PSD3: variants seen among roughly 807,000 people sequenced by gnomAD.
PSD3 encodes the protein PH and SEC7 domain-containing protein 3.
PSD3 carries 49 observed loss-of-function variants against 105.5 expected under a neutral mutation model. That is an observed-to-expected ratio of 0.46 (90% CI 0.37 to 0.59). The LOEUF (loss-of-function observed/expected upper bound fraction) is 0.59. Among genes scored for constraint, PSD3 ranks in the 20% least tolerant of loss-of-function variants. The pLI, the probability that PSD3 is intolerant of heterozygous loss-of-function variation, is 0.00. For synonymous variants in PSD3, 557 were observed against 457.8 expected (o/e 1.22, Z -2.77); for missense variants, 1,561 against 1,263.8 (o/e 1.24, Z -3.57).
At chr8:18,966,552 CAGAG>C (rs1824258829) in intron 1 of PSD3, among the ~76,000 whole-genome samples, 1 of 140,168 alleles carries the variant, frequency 7.1e-6, no homozygotes, top group Non-Finnish European at 1.5e-5. Flanking sequence ...GCCTGGGCAA[CAGAG>C]AGAGACTGTC....
intron 1 of PSD3, among the ~76,000 whole-genome samples, chr8:19,064,969 A>T (rs1829028512): frequency 1.3e-5 from 2 of 152,180 alleles, no homozygotes. Context: ...ACCAAAATGG[A>T]GTCATTCATG....
intron 1 of PSD3, among the ~76,000 whole-genome samples, chr8:19,049,390 C>G (rs1828436902): frequency 6.6e-6 from 1 of 152,136 alleles, no homozygotes; most frequent in Non-Finnish European, 1.5e-5. Flanking sequence ...CCTTTACAAT[C>G]TATGAGAAAG....
chr8:18,760,233 T>C (rs1806406634), intron 9 of PSD3, among the ~76,000 whole-genome samples: 1 of 152,192 alleles, frequency 6.6e-6, no homozygotes, highest in African/African-American at 2.4e-5. Flanking sequence ...CTAATTAACC[T>C]ATTTCTCACC....
At position 18,632,785 on chromosome 8, in the gene PSD3, C is replaced by G. The variant is rs771711653; in HGVS notation, c.2238G>C (p.Lys746Asn). The G allele has an allele frequency of 7.6e-6, 12 of 1,581,454 alleles. No individual in the cohort carries two copies. Among genetic ancestry groups the G allele is most frequent in the South Asian group, 6.8e-5 (6 of 88,630 alleles). ...TCTCCTCAGTACTTTCTGAGGGAGA[C>G]TTTTTTTTCTCTTCATCATCTCTAA... ...EWAVDDEEKK[K>N]SPSESTEEKA... The change falls in exon 11 of 16, where the codon AAG becomes AAC. Residue 746 changes from lysine (K) to asparagine (N), a missense_variant. Transcript: ENST00000327040.
Position 18,826,985 on chromosome 8 carries a change from G to A in PSD3, c.1635-22087C>T, listed in dbSNP as rs138573297. Among the ~76,000 whole-genome samples the A allele has an allele frequency of 1.6e-4, 24 of 152,294 alleles. No homozygotes were observed. In the East Asian group the frequency reaches 1.9e-3, roughly 12 times the overall value. On this transcript the variant is annotated intron_variant, in intron 4 of 15. Transcript: ENST00000327040. ...GTATCAGCTCATACCAAAGTGATAT[G>A]AATGGTATGATGGTTCTGACATTGT...
At chr8:18,995,538 GTAT>G (rs1166005392) in intron 1 of PSD3, among the ~76,000 whole-genome samples, 1 of 152,008 alleles carries the variant, frequency 6.6e-6, no homozygotes, top group Non-Finnish European at 1.5e-5. Context: ...AAACCAGGAA[GTAT>G]TACCCTAAGA....
chr8:18,683,029 T>C (rs1800472421), intron 9 of PSD3, among the ~76,000 whole-genome samples: 1 of 152,212 alleles, frequency 6.6e-6, no homozygotes, highest in Admixed American at 6.5e-5. Flanking sequence ...GGAGTGTTTC[T>C]GAGTACCCTG....
intron 9 of PSD3, among the ~76,000 whole-genome samples, chr8:18,692,023 A>C (rs1268821873): frequency 1.3e-5 from 2 of 152,220 alleles, no homozygotes; most frequent in Non-Finnish European, 2.9e-5. Flanking sequence ...AGTCTGGGTC[A>C]CTTATGAATT....
At position 18,529,101 on chromosome 8, in the gene PSD3, T is replaced by A. The variant is rs1319025757; in HGVS notation, c.*6642A>T. The A allele has an allele frequency of 4.6e-5, 7 of 152,246 alleles. No homozygotes were observed. Among genetic ancestry groups the A allele is most frequent in the African/African-American group, 1.7e-4 (7 of 41,560 alleles). 9.4% of individuals were successfully genotyped at this position (152,246 alleles called of 1,614,324 possible). On this transcript the variant is annotated 3_prime_UTR_variant, in exon 16 of 16. Transcript: ENST00000327040. ...TGCAGAGCAAGCAGCTCTGCCACCT[T>A]GGAAAATGATGCACACCAGCTTCTG...
intron 1 of PSD3, among the ~76,000 whole-genome samples, chr8:18,964,740 C>T (rs779225279): frequency 6.6e-6 from 1 of 152,286 alleles, no homozygotes; most frequent in East Asian, 1.9e-4. Context: ...TCTCAACTCG[C>T]TCAAAGCCAG....
chr8:18,777,994 G>C (rs755272302), intron 8 of PSD3, among the ~76,000 whole-genome samples: 16 of 152,138 alleles, frequency 1.1e-4, no homozygotes, highest in Non-Finnish European at 1.6e-4. Flanking sequence ...TAATGGAAGA[G>C]TAATATTCTA....
intron 11 of PSD3, among the ~76,000 whole-genome samples, chr8:18,618,612 C>T (rs1308482704): frequency 1.4e-5 from 2 of 140,786 alleles, no homozygotes; most frequent in Non-Finnish European, 1.7e-5. Flanking sequence ...TTCTATGTAC[C>T]AGGCAGTGTA....
At chr8:18,998,031 A>C (rs1586602517) in intron 1 of PSD3, among the ~76,000 whole-genome samples, 1 of 151,050 alleles carries the variant, frequency 6.6e-6, no homozygotes, top group East Asian at 1.9e-4. Context: ...TGTTTTGTTG[A>C]CCACTGTATC....
intron 4 of PSD3, among the ~76,000 whole-genome samples, chr8:18,843,644 G>C (rs942261075): frequency 6.6e-6 from 1 of 152,170 alleles, no homozygotes; most frequent in African/African-American, 2.4e-5. Context: ...ACAAAGAATA[G>C]AGAAGTAGAG....
chr8:18,623,678 A>T (rs944131333), intron 11 of PSD3, among the ~76,000 whole-genome samples: 2 of 151,526 alleles, frequency 1.3e-5, no homozygotes, highest in East Asian at 3.9e-4. Context: ...AACATATAAG[A>T]CTTCAAAAGG....
In PSD3 at chr8:18,696,012, G is replaced by A. The variant is rs1393017820; in HGVS notation, c.2173-40327C>T. 2.6e-5 allele frequency among the ~76,000 whole-genome samples: 4 copies of A among 152,172 alleles called. No individual in the cohort carries two copies. The South Asian group carries it at 6.2e-4, about 24-fold the overall frequency. ...CCCAGACACCCCTTCAGGAATCAAGGGCACATCCAGCGTCACCTGGCAGCT... is the reference window on the plus strand; with the variant it reads ...CCCAGACACCCCTTCAGGAATCAAGAGCACATCCAGCGTCACCTGGCAGCT... On this transcript the variant is annotated intron_variant, in intron 9 of 15. Coordinates refer to ENST00000327040, the MANE Select transcript of PSD3 (RefSeq NM_015310.4).
chr8:18,721,600 C>T (rs763618975), intron 9 of PSD3, among the ~76,000 whole-genome samples: 1 of 152,216 alleles, frequency 6.6e-6, no homozygotes, highest in Non-Finnish European at 1.5e-5. Context: ...GGCCATGAAG[C>T]TGTGTAACAA....
intron 1 of PSD3, among the ~76,000 whole-genome samples, chr8:19,012,576 T>C (rs189321081): frequency 6.6e-6 from 1 of 152,304 alleles, no homozygotes; most frequent in East Asian, 1.9e-4. Flanking sequence ...GGCCAGAAGC[T>C]TCCTCTGAGA....
intron 6 of PSD3, chr8:18,803,039 A>C (rs1810847012): frequency 6.4e-6 from 1 of 155,244 alleles, no homozygotes; most frequent in Admixed American, 6.5e-5. Context: ...TAATCCTAGC[A>C]CTTTGAGAGG....
Sources: gnomAD v4.1 joint callset for allele counts (sites outside exome capture counted in the v4.1 genomes callset) on GRCh38, gnomAD v4.1.1 for gene constraint, MANE v1.5 for transcripts, NCBI Gene and HGNC (gene_info 2026-07-23, HGNC 2026-07-21) for gene names.